WDR25: variants seen among roughly 807,000 people sequenced by gnomAD.
The protein encoded by WDR25 is WD repeat-containing protein 25.
Under a neutral mutation model 47.7 loss-of-function variants are expected in WDR25, and 35 were observed. That is an observed-to-expected ratio of 0.73 (90% CI 0.56 to 0.97). WDR25 has a LOEUF of 0.97. Among genes scored for constraint, WDR25 ranks in the 50% least tolerant of loss-of-function variants. WDR25 has a pLI of 0.00. For missense variants in WDR25, 634 were observed against 704.7 expected (o/e 0.90, Z 1.14); for synonymous variants, 248 against 278.9 (o/e 0.89, Z 1.10).
At chr14:100,394,125 C>T (rs1485032778) in intron 2 of WDR25, among the ~76,000 whole-genome samples, 1 of 152,226 alleles carries the variant, frequency 6.6e-6, no homozygotes, top group African/African-American at 2.4e-5. Flanking sequence ...TCTGTGATTG[C>T]CTCCTAAGCC....
At chr14:100,510,920 A>G (rs922827776) in intron 4 of WDR25, among the ~76,000 whole-genome samples, 1 of 151,934 alleles carries the variant, frequency 6.6e-6, no homozygotes, top group African/African-American at 2.4e-5. Flanking sequence ...TTATTTGTCT[A>G]TCTTTATACC....
intron 4 of WDR25, among the ~76,000 whole-genome samples, chr14:100,489,748 G>A (rs1900501432): frequency 6.6e-6 from 1 of 152,100 alleles, no homozygotes; most frequent in South Asian, 2.1e-4. Flanking sequence ...TGGTTCTTTT[G>A]TTGTCTAGCT....
At chr14:100,432,909 T>C (rs556694702) in intron 2 of WDR25, among the ~76,000 whole-genome samples, 116 of 152,366 alleles carry the variant, frequency 7.6e-4, no homozygotes, top group African/African-American at 2.7e-3. Context: ...CCATTGCTCC[T>C]AGGCTACACA....
intron 2 of WDR25, among the ~76,000 whole-genome samples, chr14:100,418,409 G>A (rs1355723007): frequency 2.0e-5 from 3 of 151,582 alleles, no homozygotes; most frequent in South Asian, 2.1e-4. Flanking sequence ...CGAGGTGGGC[G>A]GATCACGAGG....
rs1184499067 is a variant in WDR25, at chr14:100,407,589, T to C, written c.822+25843T>C. ...GTTTCCAGGGGAGCTGCTGGAGGCTTCTTATGGCATGCAGATCAAGGAAGA... is the reference window on the plus strand; with the variant it reads ...GTTTCCAGGGGAGCTGCTGGAGGCTCCTTATGGCATGCAGATCAAGGAAGA... On this transcript the variant is annotated intron_variant, in intron 2 of 6. Coordinates refer to ENST00000402312, the MANE Select transcript of WDR25 (RefSeq NM_001161476.3). This position sits in a 1 kb window ranked among gnomAD's most constrained non-coding sequence, Gnocchi z 4.1. The C allele has an allele frequency of 6.6e-6, 1 of 152,172 alleles. No individual in the cohort carries two copies. 9.4% of individuals were successfully genotyped at this position (152,172 alleles called of 1,614,324 possible).
At chr14:100,415,806 A>G (rs73343551) in intron 2 of WDR25, among the ~76,000 whole-genome samples, 12,141 of 152,216 alleles carry the variant, frequency 0.08, 1,495 homozygotes, top group African/African-American at 0.27. Flanking sequence ...TCTCTGACCC[A>G]GGGATCTCAT....
intron 2 of WDR25, among the ~76,000 whole-genome samples, chr14:100,453,744 C>A (rs1387357097): frequency 6.6e-6 from 1 of 152,130 alleles, no homozygotes; most frequent in Non-Finnish European, 1.5e-5. Flanking sequence ...AGCTGATGGC[C>A]CCCAGAAGCC....
chr14:100,379,120 C>A (rs12882934), intron 1 of WDR25, among the ~76,000 whole-genome samples: 31,644 of 152,004 alleles, frequency 0.21, 3,482 homozygotes, highest in Non-Finnish European at 0.25. Context: ...TTCAGACCTA[C>A]CCTCGTTCAT....
At chr14:100,454,322 A>G in intron 2 of WDR25, 1 of 1,252,298 alleles carries the variant, frequency 8.0e-7, no homozygotes, top group Non-Finnish European at 1.0e-6. Flanking sequence ...TGTGGAGAAG[A>G]TTTTGACTGA....
At chr14:100,474,020 G>A (rs777524299) in intron 3 of WDR25, among the ~76,000 whole-genome samples, 24 of 152,222 alleles carry the variant, frequency 1.6e-4, no homozygotes, top group Admixed American at 2.6e-4. Context: ...ATCCAGAAGT[G>A]AAGGCTCAGA....
Position 100,381,523 on chromosome 14 carries a change from A to G in WDR25, c.599A>G (p.Gln200Arg). The change falls in exon 2 of 7, where the codon CAG becomes CGG. Residue 200 changes from glutamine to arginine, a missense_variant. Transcript: ENST00000402312. ...ETGKGKDVEP[Q>R]GPPAGRAPAP... ...GGCAAGGGTAAAGACGTGGAGCCAC[A>G]GGGGCCCCCTGCAGGGCGTGCCCCA... 6.2e-7 allele frequency: 1 copy of G among 1,613,908 alleles called. No homozygotes were observed. The highest frequency in any genetic ancestry group is 8.5e-7 in the Non-Finnish European group (1 of 1,179,904).
chr14:100,454,311 G>A, intron 2 of WDR25: 3 of 1,200,416 alleles, frequency 2.5e-6, no homozygotes, highest in Admixed American at 2.4e-5. Flanking sequence ...AGAAGGCTGG[G>A]TGTGGAGAAG....
chr14:100,416,652 C>T (rs749008343), intron 2 of WDR25, among the ~76,000 whole-genome samples: 1 of 152,224 alleles, frequency 6.6e-6, no homozygotes, highest in Admixed American at 6.5e-5. Flanking sequence ...TTGCCTTTCT[C>T]CCTTGTCTCC....
intron 1 of WDR25, among the ~76,000 whole-genome samples, chr14:100,377,049 C>T (rs564287518): frequency 7.2e-5 from 11 of 152,336 alleles, no homozygotes; most frequent in African/African-American, 2.6e-4. Context: ...ATCTTACTGT[C>T]TGTTCCTCTT....
intron 2 of WDR25, among the ~76,000 whole-genome samples, chr14:100,386,890 C>T (rs1231652133): frequency 6.6e-6 from 1 of 151,480 alleles, no homozygotes; most frequent in Non-Finnish European, 1.5e-5. Flanking sequence ...GAGACTCCAT[C>T]TCAGAAAAAA....
intron 2 of WDR25, among the ~76,000 whole-genome samples, chr14:100,465,634 T>G (rs1899604304): frequency 6.6e-6 from 1 of 152,248 alleles, no homozygotes; most frequent in Non-Finnish European, 1.5e-5. Flanking sequence ...ATTACTCCCC[T>G]CTTTTGGCTA....
At chr14:100,475,025 A>G (rs1421955650) in intron 3 of WDR25, among the ~76,000 whole-genome samples, 1 of 152,254 alleles carries the variant, frequency 6.6e-6, no homozygotes, top group Admixed American at 6.5e-5. Flanking sequence ...AATGGCCAAC[A>G]GATATTAGAA....
intron 2 of WDR25, among the ~76,000 whole-genome samples, chr14:100,441,701 C>G (rs1315838915): frequency 1.3e-5 from 2 of 152,136 alleles, no homozygotes; most frequent in African/African-American, 4.8e-5. Flanking sequence ...TGAAATGGGA[C>G]AATCCTACTT....
In WDR25 at chr14:100,502,680, G is replaced by A. The variant is rs186577377; in HGVS notation, c.1101+18556G>A. Reference sequence around the variant, plus strand: ...GGTCCCTCCCTGCATGGCGAGGGGAGGAGTCAGTCTCCACAGAGTACATCG... The same window carrying A: ...GGTCCCTCCCTGCATGGCGAGGGGAAGAGTCAGTCTCCACAGAGTACATCG... On this transcript the variant is annotated intron_variant, in intron 4 of 6. Coordinates refer to ENST00000402312, the MANE Select transcript of WDR25 (RefSeq NM_001161476.3). This position sits in a 1 kb window ranked among gnomAD's most constrained non-coding sequence, Gnocchi z 4.5. Among the ~76,000 whole-genome samples the A allele has an allele frequency of 1.3e-5, 2 of 152,352 alleles. No individual in the cohort carries two copies. Among genetic ancestry groups the A allele is most frequent in the African/African-American group, 4.8e-5 (2 of 41,590 alleles).
Sources: gnomAD v4.1 joint callset for allele counts (sites outside exome capture counted in the v4.1 genomes callset) on GRCh38, gnomAD v4.1.1 for gene constraint, Gnocchi (gnomAD v3.1) non-coding constraint, MANE v1.5 for transcripts, NCBI Gene and HGNC (gene_info 2026-07-23, HGNC 2026-07-21) for gene names.